Variants in COL22A1 observed in about 807,000 individuals in gnomAD.
COL22A1 encodes the protein collagen type XXII alpha 1 chain.
In COL22A1, 221 loss-of-function variants were observed where a neutral mutation model predicts 248.9. The observed-to-expected ratio is 0.89, with a 90% confidence interval of 0.80 to 0.99. The LOEUF is 0.99. Ranked by LOEUF, COL22A1 falls within the 50% of genes least tolerant of loss-of-function variation. The pLI is 0.00. For synonymous variants in COL22A1, 891 were observed against 793.4 expected (o/e 1.12, Z -2.07); for missense variants, 2,240 against 2,179.0 (o/e 1.03, Z -0.56).
chr8:138,757,308 G>GTC (rs1833093764), intron 18 of COL22A1, among the ~76,000 whole-genome samples: 3 of 151,738 alleles, frequency 2.0e-5, no homozygotes, highest in African/African-American at 7.3e-5. Context: ...GCTATACTAT[G>GTC]TGTGTGTGTA....
chr8:138,628,252 T>C (rs976757832), intron 50 of COL22A1, among the ~76,000 whole-genome samples: 26 of 152,236 alleles, frequency 1.7e-4, no homozygotes, highest in African/African-American at 4.8e-4. Flanking sequence ...GGTTTGTATG[T>C]ATCTTTTTAT....
chr8:138,834,638 ATC>A (rs1820295308), intron 4 of COL22A1, among the ~76,000 whole-genome samples: 1 of 151,996 alleles, frequency 6.6e-6, no homozygotes, highest in African/African-American at 2.4e-5. Flanking sequence ...GCTTTATTTC[ATC>A]TGTAAAAAGG....
At chr8:138,872,275 C>T (rs1267301813) in intron 3 of COL22A1, among the ~76,000 whole-genome samples, 1 of 152,174 alleles carries the variant, frequency 6.6e-6, no homozygotes, top group African/African-American at 2.4e-5. Flanking sequence ...ACATCCACAA[C>T]AGGGTGGGAG....
chr8:138,880,620 C>A (rs1253029395), intron 2 of COL22A1, among the ~76,000 whole-genome samples: 4 of 152,174 alleles, frequency 2.6e-5, no homozygotes, highest in Non-Finnish European at 4.4e-5. Flanking sequence ...ATCCAAGGGA[C>A]AATCTGCATG....
intron 3 of COL22A1, among the ~76,000 whole-genome samples, chr8:138,845,602 G>A (rs1214449936): frequency 1.3e-5 from 2 of 152,088 alleles, no homozygotes; most frequent in Non-Finnish European, 2.9e-5. Flanking sequence ...TTCAGAAAGA[G>A]CATTAACTTT....
rs769315745 is a variant in COL22A1 at position 138,594,131 on chromosome 8, G to T, written c.4501C>A (p.Pro1501Thr). The T allele has an allele frequency of 1.3e-6, 2 of 1,576,400 alleles. No homozygotes were observed. Among genetic ancestry groups the T allele is most frequent in the Non-Finnish European group, 1.7e-6 (2 of 1,168,202 alleles). ...YMKSSQGRPG[P>T]PGPPGKDGLP... Reference sequence around the variant, plus strand: ...CCATCTTTTCCAGGGGGCCCTGGGGGCCCAGGTCTGCCTTGAGATGACTTC... The same window carrying T: ...CCATCTTTTCCAGGGGGCCCTGGGGTCCCAGGTCTGCCTTGAGATGACTTC... The change falls in exon 63 of 65, where the codon CCC becomes ACC. Residue 1501 changes from proline to threonine, a missense_variant. By Grantham distance (38) the Pro-to-Thr change is conservative. Coordinates refer to ENST00000303045, the MANE Select transcript of COL22A1 (RefSeq NM_152888.3).
At chr8:138,777,978 G>A (rs1814628185) in intron 15 of COL22A1, 3 of 341,584 alleles carry the variant, frequency 8.8e-6, no homozygotes, top group South Asian at 2.5e-5. Context: ...TGTTCCAGGG[G>A]CTAAGAATTC....
At chr8:138,707,938 T>C (rs1828615798) in intron 30 of COL22A1, among the ~76,000 whole-genome samples, 1 of 152,110 alleles carries the variant, frequency 6.6e-6, no homozygotes, top group African/African-American at 2.4e-5. Flanking sequence ...TTCAGCAAAG[T>C]CTCAGGATAC....
intron 47 of COL22A1, among the ~76,000 whole-genome samples, chr8:138,639,989 T>A (rs1821527301): frequency 1.3e-5 from 2 of 152,208 alleles, no homozygotes; most frequent in South Asian, 4.1e-4. Flanking sequence ...GGACATGCGG[T>A]GTCATTAAAT....
Position 138,891,635 on chromosome 8 carries a change from G to A in COL22A1, c.-72-8391C>T, listed in dbSNP as rs189241822. Among the ~76,000 whole-genome samples the A allele has an allele frequency of 1.9e-3, 285 of 152,166 alleles. 2 individuals are homozygous for A. The highest frequency in any genetic ancestry group is 5.3e-4 in the Non-Finnish European group (36 of 67,972). ...ATCCTCCCATGACTCCCATATCTAG[G>A]AGTCATGGGAAGGATTCAATCCCAA... On this transcript the variant is annotated intron_variant, in intron 1 of 64. Coordinates refer to ENST00000303045, the MANE Select transcript of COL22A1 (RefSeq NM_152888.3).
intron 10 of COL22A1, among the ~76,000 whole-genome samples, chr8:138,804,445 ACAG>A (rs1412944734): frequency 1.3e-5 from 2 of 152,184 alleles, no homozygotes; most frequent in Non-Finnish European, 2.9e-5. Context: ...CTGCTCAAGC[ACAG>A]CAGAGGCAGC....
intron 1 of COL22A1, among the ~76,000 whole-genome samples, chr8:138,908,045 C>T (rs1193300594): frequency 2.6e-5 from 4 of 152,194 alleles, no homozygotes; most frequent in Non-Finnish European, 5.9e-5. Context: ...CCTCCCTCCC[C>T]ACTCCCCCAC....
chr8:138,726,498 C>CAAAAAAAAAA lies in COL22A1; in HGVS notation c.2140-1068_2140-1059dup, dbSNP rs371982028. Among the ~76,000 whole-genome samples the CAAAAAAAAAA allele has an allele frequency of 1.2e-3, 111 of 95,556 alleles. 3 individuals carry two copies. The highest frequency in any genetic ancestry group is 2.5e-3 in the East Asian group (9 of 3,564). The allele number at this position is 95,556 out of a possible 152,430, so 62.7% of individuals were successfully genotyped here. ...GGTGCAGAGCAATATCCTGTATCTA[C>CAAAAAAAAAA]AAAAAAAAAAAAAAAGAAAGAAAAA... On this transcript the variant is annotated intron_variant, in intron 23 of 64. Coordinates refer to ENST00000303045, the MANE Select transcript of COL22A1 (RefSeq NM_152888.3).
At chr8:138,600,951 C>T (rs1817952182) in intron 60 of COL22A1, among the ~76,000 whole-genome samples, 1 of 152,152 alleles carries the variant, frequency 6.6e-6, no homozygotes, top group Non-Finnish European at 1.5e-5. Context: ...GGACTTATCC[C>T]ATATTTCAAA....
intron 56 of COL22A1, among the ~76,000 whole-genome samples, chr8:138,611,254 C>T (rs1818837026): frequency 6.6e-6 from 1 of 152,244 alleles, no homozygotes; most frequent in African/African-American, 2.4e-5. Flanking sequence ...TGTCTCACTT[C>T]ACTGGATTAC....
At chr8:138,904,527 T>C (rs1392380850) in intron 1 of COL22A1, among the ~76,000 whole-genome samples, 1 of 152,188 alleles carries the variant, frequency 6.6e-6, no homozygotes, top group African/African-American at 2.4e-5. Context: ...TTTATTGTTT[T>C]ATTCATTTCT....
intron 1 of COL22A1, among the ~76,000 whole-genome samples, chr8:138,895,091 A>T (rs1374552530): frequency 1.3e-5 from 2 of 151,888 alleles, no homozygotes; most frequent in Admixed American, 1.3e-4. Flanking sequence ...AAAGAAAAAA[A>T]AACACTGTAT....
chr8:138,876,587 G>A (rs1159449448), intron 3 of COL22A1, among the ~76,000 whole-genome samples: 6 of 152,232 alleles, frequency 3.9e-5, no homozygotes, highest in Admixed American at 3.9e-4. Context: ...GGGTCATACT[G>A]TGGTAAAGCA....
intron 3 of COL22A1, among the ~76,000 whole-genome samples, chr8:138,847,490 C>T (rs1821330623): frequency 6.6e-6 from 1 of 152,208 alleles, no homozygotes; most frequent in Non-Finnish European, 1.5e-5. Context: ...AACACTGTAG[C>T]TGTTTGGTCT....
Sources: allele counts gnomAD v4.1 joint callset (sites outside exome capture counted in the v4.1 genomes callset), GRCh38; gene constraint gnomAD v4.1.1; transcripts MANE v1.5; gene names NCBI Gene and HGNC (gene_info 2026-07-23, HGNC 2026-07-21).